The following METTL14 variants were observed in gnomAD, a reference collection of about 807,000 sequenced individuals.
The protein encoded by METTL14 is N(6)-adenosine-methyltransferase non-catalytic subunit METTL14.
METTL14 carries 32 observed loss-of-function variants against 62.4 expected under a neutral mutation model. The ratio of observed to expected loss-of-function variants is 0.51; its 90% CI spans 0.39 to 0.69. METTL14 has a LOEUF of 0.69. Ranked by LOEUF, METTL14 falls within the 30% of genes least tolerant of loss-of-function variation. The pLI is 0.00. For synonymous variants in METTL14, 150 were observed against 180.0 expected, an observed-to-expected ratio of 0.83 and a Z score of 1.34; for missense variants, 340 against 551.9, an observed-to-expected ratio of 0.62 and a Z score of 3.85.
rs548059323 is a variant in METTL14 at position 118,701,485 on chromosome 4, C to T, written c.738+843C>T. Among the ~76,000 whole-genome samples, 196 of 152,142 alleles carry T rather than the reference C, an allele frequency of 1.3e-3. 1 individual carries two copies. Among genetic ancestry groups the T allele is most frequent in the Non-Finnish European group, 2.1e-3 (141 of 68,002 alleles). The stretch of plus-strand genomic sequence containing the variant: ...ACAGGCATGAGCCACCACCCCTGGC[C>T]CTGATTGGCCTTCACCAAAAGGAAC... On this transcript the variant is annotated intron_variant, in intron 8 of 10. Coordinates refer to ENST00000388822, the MANE Select transcript of METTL14 (RefSeq NM_020961.4).
In METTL14 at chr4:118,710,626, A is replaced by G. The variant is rs1179860725; in HGVS notation, c.*324A>G. 4 of 208,280 alleles carry G rather than the reference A, an allele frequency of 1.9e-5. No homozygotes were observed. Among genetic ancestry groups the G allele is most frequent in the Non-Finnish European group, 3.8e-5 (4 of 104,536 alleles). 12.9% of individuals were successfully genotyped at this position (208,280 alleles called of 1,614,324 possible). A position where few individuals can be genotyped will look rare whatever the true frequency, so the allele number is the denominator to read the frequency against. ...TTTTGCTAATTTTTGGGAATAAATA[A>G]TGGAAAAAGATCCAGTCTGTGGTAT... On this transcript the variant is annotated 3_prime_UTR_variant, in exon 11 of 11. Coordinates refer to ENST00000388822, the MANE Select transcript of METTL14 (RefSeq NM_020961.4).
At chr4:118,692,286 G>A (rs1181793510) in intron 5 of METTL14, among the ~76,000 whole-genome samples, 1 of 150,398 alleles carries the variant, frequency 6.6e-6, no homozygotes, top group African/African-American at 2.5e-5. Context: ...GTGCAGTGGG[G>A]TGATCTCTCT....
chr4:118,691,933 C>G, intron 4 of METTL14, 48 bp from the exon 5 acceptor site: 1 of 1,163,384 alleles, frequency 8.6e-7, no homozygotes, highest in Non-Finnish European at 1.3e-6. Context: ...GATAATTTAT[C>G]TGCCATTACA....
chr4:118,712,844 A>T lies in METTL14; in HGVS notation c.*2542A>T, dbSNP rs1201640331. 1.3e-5 allele frequency: 2 copies of T among 152,100 alleles called. No homozygotes were observed. Among genetic ancestry groups the T allele is most frequent in the African/African-American group, 2.4e-5 (1 of 41,404 alleles). The allele number at this position is 152,100 out of a possible 1,614,324, so 9.4% of individuals were successfully genotyped here. A position where few individuals can be genotyped will look rare whatever the true frequency, so the allele number is the denominator to read the frequency against. ...CCACTGACCTTCCTCCTTTCAGAGG[A>T]TGGGGATTAGGAGGCCCAAAGTACT... On this transcript the variant is annotated 3_prime_UTR_variant, in exon 11 of 11. Coordinates refer to ENST00000388822, the MANE Select transcript of METTL14 (RefSeq NM_020961.4).
At chr4:118,686,672 C>T in intron 1 of METTL14, 1 of 455,878 alleles carries the variant, frequency 2.2e-6, no homozygotes. Flanking sequence ...TTTTCGCCAA[C>T]TTCTTTTATC....
At chr4:118,704,199 C>T (rs2110408574) in intron 9 of METTL14, 148 bp downstream of exon 9, 1 of 574,598 alleles carries the variant, frequency 1.7e-6, no homozygotes, top group Non-Finnish European at 3.0e-6. Flanking sequence ...GGAATACATC[C>T]AAATTAGTTT....
At chr4:118,704,560 C>G (rs1032331162) in intron 9 of METTL14, among the ~76,000 whole-genome samples, 2 of 151,948 alleles carry the variant, frequency 1.3e-5, no homozygotes, top group Non-Finnish European at 2.9e-5. Context: ...CTTTTTTGTA[C>G]TGGAATCATG....
intron 1 of METTL14, among the ~76,000 whole-genome samples, chr4:118,687,043 T>C (rs759414240): frequency 1.3e-5 from 2 of 152,224 alleles, no homozygotes; most frequent in East Asian, 1.9e-4. Flanking sequence ...TATTAGAGCA[T>C]AGAATAAATA....
intron 1 of METTL14, chr4:118,686,675 C>CT (rs1354963044): frequency 4.4e-6 from 2 of 455,888 alleles, no homozygotes; most frequent in Admixed American, 4.7e-5. Context: ...TCGCCAACTT[C>CT]TTTTATCGTA....
chr4:118,696,566 G>A (rs1037132696), intron 6 of METTL14, among the ~76,000 whole-genome samples: 2 of 151,800 alleles, frequency 1.3e-5, no homozygotes, highest in African/African-American at 2.4e-5. Flanking sequence ...ACAAACAAAC[G>A]AAAACCCATT....
At chr4:118,691,926 A>C (rs1188148960) in intron 4 of METTL14, 55 bp from the exon 5 acceptor site, 2 of 1,123,854 alleles carry the variant, frequency 1.8e-6, no homozygotes, top group East Asian at 2.4e-5. Flanking sequence ...GTACAGAGAT[A>C]ATTTATCTGC....
rs553694703 is a variant in METTL14 at position 118,695,219 on chromosome 4, A to G, written c.503+693A>G. On this transcript the variant is annotated intron_variant, in intron 6 of 10. Coordinates refer to ENST00000388822, the MANE Select transcript of METTL14 (RefSeq NM_020961.4). ...CAGTTTTTTTTCAGCTTTTCAGATA[A>G]TTTGCTTAAAGTGCCTCTAAATATT... 3.3e-5 allele frequency among the ~76,000 whole-genome samples: 5 copies of G among 152,074 alleles called. No homozygotes were observed. In the East Asian group the frequency reaches 5.8e-4, roughly 18 times the overall value.
At chr4:118,700,774 A>T (rs1002721551) in intron 8 of METTL14, 132 bp downstream of exon 8, 1 of 589,576 alleles carries the variant, frequency 1.7e-6, no homozygotes, top group South Asian at 3.0e-5. Context: ...ATAGTGAGAA[A>T]AAAAAAATGT....
Position 118,703,922 on chromosome 4 carries a change from C to T in METTL14, c.739-13C>T. The T allele has an allele frequency of 7.1e-7, 1 of 1,403,006 alleles. No homozygotes were observed. The highest frequency in any genetic ancestry group is 2.3e-5 in the Admixed American group (1 of 42,742). 86.9% of individuals were successfully genotyped at this position (1,403,006 alleles called of 1,614,324 possible). On this transcript the variant is annotated splice_polypyrimidine_tract_variant and intron_variant, in intron 8 of 10. Transcript: ENST00000388822. ...AAGTTAAGGATTTGTGTTTAAAATT[C>T]TTTTGTTTCTAGTGTTTACGAAAAT...
chr4:118,696,129 A>AC (rs1724405109), intron 6 of METTL14, among the ~76,000 whole-genome samples: 1 of 150,160 alleles, frequency 6.7e-6, no homozygotes, highest in Non-Finnish European at 1.5e-5. Flanking sequence ...AAAAAAAAAA[A>AC]AAAAAAAAAA....
chr4:118,685,749 C>T (rs190081610), intron 1 of METTL14, 149 bp downstream of exon 1: 2 of 707,058 alleles, frequency 2.8e-6, no homozygotes, highest in Non-Finnish European at 4.9e-6. Flanking sequence ...CTGGTTCTGC[C>T]TTTGTAGTTC....
In METTL14 at chr4:118,714,194, A is replaced by G. The variant is rs1724996572; in HGVS notation, c.*3892A>G. ...TGTCTTCTTTAGGCACATTGTTTGCATATTAACGACATGGAAATATTTTCA... is the reference window on the plus strand; with the variant it reads ...TGTCTTCTTTAGGCACATTGTTTGCGTATTAACGACATGGAAATATTTTCA... On this transcript the variant is annotated 3_prime_UTR_variant, in exon 11 of 11. Coordinates refer to ENST00000388822, the MANE Select transcript of METTL14 (RefSeq NM_020961.4). 6.6e-6 allele frequency: 1 copy of G among 152,252 alleles called. No homozygotes were observed. The highest frequency in any genetic ancestry group is 1.5e-5 in the Non-Finnish European group (1 of 68,048). The allele number at this position is 152,252 out of a possible 1,614,324, so 9.4% of individuals were successfully genotyped here.
chr4:118,696,264 CT>C (rs1026481090), intron 6 of METTL14, among the ~76,000 whole-genome samples: 12 of 151,090 alleles, frequency 7.9e-5, no homozygotes, highest in Non-Finnish European at 7.4e-5. Context: ...TGCTTATTTA[CT>C]TATTTATTTA....
At chr4:118,690,175 G>C (rs971092569) in intron 3 of METTL14, among the ~76,000 whole-genome samples, 1 of 150,190 alleles carries the variant, frequency 6.7e-6, no homozygotes, top group Non-Finnish European at 1.5e-5. Context: ...CAAGTAGCTG[G>C]GACTACAAGC....
Sources: allele counts gnomAD v4.1 joint callset (sites outside exome capture counted in the v4.1 genomes callset), GRCh38; gene constraint gnomAD v4.1.1; transcripts MANE v1.5; gene names NCBI Gene and HGNC (gene_info 2026-07-23, HGNC 2026-07-21).